Variants in POLD1 observed in about 807,000 individuals in gnomAD.
The protein encoded by POLD1 is DNA polymerase delta catalytic subunit.
In POLD1, 79 loss-of-function variants were observed where a neutral mutation model predicts 129.7. The ratio of observed to expected loss-of-function variants is 0.61; its 90% CI spans 0.51 to 0.73. The LOEUF is 0.73. Ranked by LOEUF, POLD1 falls within the 30% of genes least tolerant of loss-of-function variation. The probability of loss-of-function intolerance (pLI) is 0.00; values close to 1 mark genes in which losing one functional copy is unlikely to be tolerated. For synonymous variants in POLD1, 714 were observed against 683.3 expected, an observed-to-expected ratio of 1.04 and a Z score of -0.70; for missense variants, 1,338 against 1,595.8, an observed-to-expected ratio of 0.84 and a Z score of 2.75.
chr19:50,408,833 G>A lies in POLD1; in HGVS notation c.1824G>A (p.Pro608=), dbSNP rs372002045. The A allele has an allele frequency of 1.9e-5, 30 of 1,613,994 alleles. No homozygotes were observed. The East Asian group carries it at 2.2e-4, about 12-fold the overall frequency. ...IATLDFSSLY[P]SIMMAHNLCY... is the part of the protein sequence containing the mutation. The stretch of plus-strand genomic sequence containing the variant: ...CCCTGGACTTCTCCTCGCTGTACCC[G>A]TCCATCATGATGGCCCACAACCTGT... Residue 608 remains proline, a synonymous_variant, in exon 15 of 27, where the codon CCG becomes CCA. Transcript: ENST00000440232.
At position 50,390,066 on chromosome 19, in the gene POLD1, G is replaced by A. The variant is rs374725879; in HGVS notation, c.-2+5676G>A. On this transcript the variant is annotated intron_variant, in intron 1 of 26. Transcript: ENST00000440232. ...TAGGATTACAGGCGCCTGGCACCAC[G>A]CCCAGCTAATTTTTATATTTTTAGT... Among the ~76,000 whole-genome samples the A allele has an allele frequency of 7.1e-4, 107 of 151,024 alleles. 3 individuals are homozygous for A. In the South Asian group the frequency reaches 0.022, roughly 30 times the overall value.
intron 2 of POLD1, 24 bp downstream of exon 2, chr19:50,399,077 C>A: frequency 6.4e-7 from 1 of 1,550,536 alleles, no homozygotes; most frequent in African/African-American, 1.4e-5. Flanking sequence ...TTGGAGGTTC[C>A]TGCTGCCCAA....
rs150607556 is a variant in POLD1 at position 50,414,889 on chromosome 19, C to G, written c.2463C>G (p.His821Gln). 2 of 1,609,096 alleles carry G rather than the reference C, an allele frequency of 1.2e-6. No individual in the cohort carries two copies. The highest frequency in any genetic ancestry group is 1.7e-6 in the Non-Finnish European group (2 of 1,176,734). Residue 821 changes from histidine to glutamine, a missense_variant, in exon 20 of 27, where the codon CAC (histidine) becomes CAG (glutamine). Physicochemically the swap from His to Gln is conservative, Grantham distance 24 (BLOSUM62 0). Transcript: ENST00000440232. Reference protein sequence around the residue: ...GLLFSSRPDAHDRMDCKGLEA... With the variant: ...GLLFSSRPDAQDRMDCKGLEA... ...TCTTCTCCTCCCGGCCCGACGCCCACGACCGCATGGACTGCAAGGGCCTGG... is the reference window on the plus strand; with the variant it reads ...TCTTCTCCTCCCGGCCCGACGCCCAGGACCGCATGGACTGCAAGGGCCTGG...
At chr19:50,390,762 G>A (rs1011011170) in intron 1 of POLD1, among the ~76,000 whole-genome samples, 2 of 152,026 alleles carry the variant, frequency 1.3e-5, no homozygotes, top group African/African-American at 2.4e-5. Flanking sequence ...CTTGAGATTA[G>A]GGAGTGGTGA....
chr19:50,405,535 C>T (rs1298184398), intron 10 of POLD1, among the ~76,000 whole-genome samples: 1 of 152,120 alleles, frequency 6.6e-6, no homozygotes, highest in African/African-American at 2.4e-5. Context: ...TCAAGACCAG[C>T]CAGGGCAACA....
chr19:50,406,280 G>C lies in POLD1; in HGVS notation c.1341G>C (p.Lys447Asn), dbSNP rs1319510284. The change falls in exon 11 of 27, where the codon AAG (lysine) becomes AAC (asparagine). Residue 447 changes from lysine (K) to asparagine (N), a missense_variant. Coordinates refer to ENST00000440232, the MANE Select transcript of POLD1 (RefSeq NM_002691.4). This position sits in a 1 kb window ranked among gnomAD's most constrained non-coding sequence, Gnocchi z 5.5. ...AGCAGACGGGCCGGCGGGACACCAA[G>C]GTTGTCAGCATGGTGGGCCGCGTGC... ...QSKQTGRRDT[K>N]VVSMVGRVQM... 6.2e-7 allele frequency: 1 copy of C among 1,613,914 alleles called. No homozygotes were observed. The highest frequency in any genetic ancestry group is 2.2e-5 in the East Asian group (1 of 44,872).
chr19:50,394,383 G>T (rs1314118438), intron 1 of POLD1, among the ~76,000 whole-genome samples: 1 of 152,164 alleles, frequency 6.6e-6, no homozygotes, highest in Non-Finnish European at 1.5e-5. Context: ...CGGGCGCGGT[G>T]GCTCACACCC....
chr19:50,417,322 C>A, intron 26 of POLD1, 53 bp downstream of exon 26: 2 of 1,331,766 alleles, frequency 1.5e-6, no homozygotes, highest in Non-Finnish European at 1.0e-6. Context: ...AGCTCCCAGG[C>A]CTGTGGGTTG....
chr19:50,408,759 C>G (rs749558029), intron 14 of POLD1, 26 bp from the exon 15 acceptor site: 2 of 1,612,586 alleles, frequency 1.2e-6, no homozygotes, highest in Non-Finnish European at 1.7e-6. Context: ...AGCCCTGACT[C>G]CCGGCCGCGG....
In POLD1 at chr19:50,406,716, A is replaced by G. The variant is rs1382264710; in HGVS notation, c.1494+199A>G. Among the ~76,000 whole-genome samples the G allele has an allele frequency of 6.6e-6, 1 of 151,946 alleles. No homozygotes were observed. The highest frequency in any genetic ancestry group is 1.5e-5 in the Non-Finnish European group (1 of 67,974). ...CTCCACTCCTGTGACCTCTGTCACTATGACCTTGTCTCTGCTTTCCTGGCC... is the reference window on the plus strand; with the variant it reads ...CTCCACTCCTGTGACCTCTGTCACTGTGACCTTGTCTCTGCTTTCCTGGCC... On this transcript the variant is annotated intron_variant, in intron 12 of 26. Coordinates refer to ENST00000440232, the MANE Select transcript of POLD1 (RefSeq NM_002691.4). The surrounding 1 kb of genome is among the most constrained non-coding windows in gnomAD (Gnocchi z 5.5).
At chr19:50,388,660 T>C (rs2546544) in intron 1 of POLD1, among the ~76,000 whole-genome samples, 7,955 of 152,194 alleles carry the variant, frequency 0.052, 694 homozygotes, top group African/African-American at 0.18. Context: ...TGAACAGCCA[T>C]GGCCCTTTGC....
At chr19:50,408,172 TA>T (rs2038967714) in intron 14 of POLD1, among the ~76,000 whole-genome samples, 2 of 150,886 alleles carry the variant, frequency 1.3e-5, no homozygotes, top group South Asian at 4.2e-4. Flanking sequence ...CCGTCTCTAC[TA>T]AAAATACAGA....
Position 50,386,139 on chromosome 19 carries a change from CT to C in POLD1, c.-2+1760del, listed in dbSNP as rs923132704. Among the ~76,000 whole-genome samples, 76 of 144,984 alleles carry C rather than the reference CT, an allele frequency of 5.2e-4. 1 individual carries two copies. The highest frequency in any genetic ancestry group is 7.6e-4 in the Admixed American group (11 of 14,486). On this transcript the variant is annotated intron_variant, in intron 1 of 26. Coordinates refer to ENST00000440232, the MANE Select transcript of POLD1 (RefSeq NM_002691.4). ...TCACAGGGAGTTTCAACTCACATGT[CT>C]TTTTTTTTTTGGTTTTTGAGACAGG...
chr19:50,410,998 C>T (rs1276601484), intron 17 of POLD1: 2 of 146,436 alleles, frequency 1.4e-5, no homozygotes. Context: ...CACTCTCTCA[C>T]CCAGGCTGGA....
rs2122244219 is a variant in POLD1 at position 50,402,249 on chromosome 19, A to C, written c.634A>C (p.Ile212Leu). 1 of 1,597,992 alleles carries C rather than the reference A, an allele frequency of 6.3e-7. No individual in the cohort carries two copies. The highest frequency in any genetic ancestry group is 1.1e-5 in the South Asian group (1 of 88,636). ...GCACGGCCCCTCCCCGTTCCTGCGC[A>C]TCACCGTGGCGCTGCCGCGCCTCGT... ...HGHGPSPFLR[I>L]TVALPRLVAP... Residue 212 changes from isoleucine (I) to leucine (L), a missense_variant, in exon 6 of 27, where the codon ATC becomes CTC. Physicochemically the swap from Ile to Leu is conservative, Grantham distance 5 (BLOSUM62 2). Coordinates refer to ENST00000440232, the MANE Select transcript of POLD1 (RefSeq NM_002691.4).
chr19:50,392,459 C>T lies in POLD1; in HGVS notation c.-1-6392C>T, dbSNP rs149615448. On this transcript the variant is annotated intron_variant, in intron 1 of 26. Transcript: ENST00000440232. ...TACAGACCAGTGTTGTCACCCCTCA[C>T]CTTGGATTCGTTTGTTTCTTTTTCT... 1.9e-3 allele frequency among the ~76,000 whole-genome samples: 295 copies of T among 152,062 alleles called. 2 individuals are homozygous for T. Among genetic ancestry groups the T allele is most frequent in the African/African-American group, 6.4e-3 (266 of 41,508 alleles).
intron 1 of POLD1, among the ~76,000 whole-genome samples, chr19:50,396,093 G>GTT (rs566835820): frequency 1.0e-5 from 1 of 99,012 alleles, no homozygotes; most frequent in African/African-American, 5.7e-5. Flanking sequence ...GTTTTTTTTT[G>GTT]TTTTTTTTTT....
At position 50,413,413 on chromosome 19, in the gene POLD1, C is replaced by G; in HGVS notation, c.2155-13C>G. On this transcript the variant is annotated splice_polypyrimidine_tract_variant and intron_variant, in intron 17 of 26. Coordinates refer to ENST00000440232, the MANE Select transcript of POLD1 (RefSeq NM_002691.4). ...CCCCAGGGCTTCACTCCGCATGATT[C>G]TCTCCCCGACAGAGCGTCACGGGGT... is the stretch of plus-strand genomic sequence containing the variant. 2 of 1,610,556 alleles carry G rather than the reference C, an allele frequency of 1.2e-6. No individual in the cohort carries two copies. The highest frequency in any genetic ancestry group is 2.2e-5 in the South Asian group (2 of 90,720).
intron 3 of POLD1, among the ~76,000 whole-genome samples, chr19:50,400,250 T>C (rs143666146): frequency 0.12 from 15,938 of 134,780 alleles, 1,623 homozygotes; most frequent in African/African-American, 0.26. Flanking sequence ...GATGGAGTCT[T>C]GCTCCTGTCG....
Sources: allele counts gnomAD v4.1 joint callset (sites outside exome capture counted in the v4.1 genomes callset), GRCh38; gene constraint gnomAD v4.1.1; non-coding constraint Gnocchi (gnomAD v3.1); transcripts MANE v1.5; gene names NCBI Gene and HGNC (gene_info 2026-07-23, HGNC 2026-07-21).